MIPEP: variants seen among roughly 807,000 people sequenced by gnomAD.
MIPEP encodes mitochondrial intermediate peptidase.
A neutral mutation model predicts 90.3 loss-of-function variants in MIPEP; 79 were observed. The observed-to-expected ratio is 0.87, with a 90% CI of 0.73 to 1.05. MIPEP has a LOEUF of 1.05. MIPEP is among the 50% of genes least tolerant of loss of function. MIPEP has a pLI of 0.00. For missense variants in MIPEP, 940 were observed against 905.6 expected, an observed-to-expected ratio of 1.04 and a Z score of -0.49; for synonymous variants, 334 against 315.8, an observed-to-expected ratio of 1.06 and a Z score of -0.61.
At chr13:23,824,138 T>C (rs1953340445) in intron 14 of MIPEP, among the ~76,000 whole-genome samples, 1 of 152,230 alleles carries the variant, frequency 6.6e-6, no homozygotes, top group South Asian at 2.1e-4. Flanking sequence ...GTAAACATAG[T>C]TATCACCTGA....
At chr13:23,787,306 G>A (rs78577180) in intron 16 of MIPEP, among the ~76,000 whole-genome samples, 36 of 152,296 alleles carry the variant, frequency 2.4e-4, no homozygotes, top group Middle Eastern at 3.4e-3. Context: ...TCCAGTGTCT[G>A]ATGACGGCCT....
chr13:23,874,021 G>C (rs995496235), intron 5 of MIPEP, among the ~76,000 whole-genome samples: 15 of 152,098 alleles, frequency 9.9e-5, no homozygotes, highest in Non-Finnish European at 2.1e-4. Flanking sequence ...TATTTCCAAG[G>C]CCCTGCCTTC....
chr13:23,867,798 C>A (rs1234674688), intron 7 of MIPEP, among the ~76,000 whole-genome samples: 1 of 152,062 alleles, frequency 6.6e-6, no homozygotes, highest in East Asian at 1.9e-4. Context: ...TTCAGTTCTG[C>A]CACATTTTAG....
chr13:23,813,518 G>A (rs868522393), intron 14 of MIPEP, among the ~76,000 whole-genome samples: 1 of 152,048 alleles, frequency 6.6e-6, no homozygotes, highest in Non-Finnish European at 1.5e-5. Flanking sequence ...GTTCAGTACC[G>A]ACACAACCAT....
intron 16 of MIPEP, among the ~76,000 whole-genome samples, chr13:23,805,382 C>G (rs1246134849): frequency 3.3e-5 from 5 of 152,086 alleles, no homozygotes; most frequent in Non-Finnish European, 7.4e-5. Context: ...AAATGAGCCC[C>G]AAATACAAGG....
At chr13:23,885,158 G>A (rs1362360889) in intron 2 of MIPEP, among the ~76,000 whole-genome samples, 1 of 152,196 alleles carries the variant, frequency 6.6e-6, no homozygotes, top group Non-Finnish European at 1.5e-5. Context: ...CAACAACATG[G>A]ATGGTCATTA....
chr13:23,820,205 T>C (rs577251855), intron 14 of MIPEP, among the ~76,000 whole-genome samples: 82 of 152,350 alleles, frequency 5.4e-4, no homozygotes, highest in Non-Finnish European at 4.6e-4. Context: ...CCCTTGATGT[T>C]GTCCAACTCT....
At chr13:23,832,167 T>C (rs564853836) in intron 14 of MIPEP, among the ~76,000 whole-genome samples, 2 of 152,202 alleles carry the variant, frequency 1.3e-5, no homozygotes, top group African/African-American at 4.8e-5. Flanking sequence ...GATTAAGAGA[T>C]TATCATGGGA....
intron 14 of MIPEP, among the ~76,000 whole-genome samples, chr13:23,822,047 T>G (rs1247497008): frequency 6.6e-6 from 1 of 152,196 alleles, no homozygotes; most frequent in African/African-American, 2.4e-5. Context: ...TTCACAGTGT[T>G]GGAAAAGCAA....
chr13:23,817,843 A>T (rs1449470621), intron 14 of MIPEP, among the ~76,000 whole-genome samples: 2 of 152,188 alleles, frequency 1.3e-5, no homozygotes, highest in African/African-American at 4.8e-5. Flanking sequence ...GGATCAGTAA[A>T]CATTCAGTGT....
intron 14 of MIPEP, among the ~76,000 whole-genome samples, chr13:23,814,396 G>A (rs943971098): frequency 6.6e-6 from 1 of 152,044 alleles, no homozygotes; most frequent in Admixed American, 6.5e-5. Context: ...AGAGTAGCTG[G>A]GACTACAGGC....
In MIPEP at chr13:23,812,532, C is replaced by A. The variant is rs144422465; in HGVS notation, c.1654-2608G>T. Among the ~76,000 whole-genome samples, 14 of 152,050 alleles carry A rather than the reference C, an allele frequency of 9.2e-5. No individual in the cohort carries two copies. In the East Asian group the frequency reaches 2.7e-3, roughly 29 times the overall value. ...ACTGACTGAACAGACCCCCTGTTGG[C>A]CAAAGGGACCCCAGAGAAACTCTGG... On this transcript the variant is annotated intron_variant, in intron 14 of 18. Transcript: ENST00000382172.
chr13:23,812,112 G>T (rs983706156), intron 14 of MIPEP, among the ~76,000 whole-genome samples: 4 of 152,100 alleles, frequency 2.6e-5, no homozygotes, highest in African/African-American at 9.7e-5. Context: ...CAAACAGTGG[G>T]CAACAGCAGG....
chr13:23,773,588 A>G (rs77792455), intron 16 of MIPEP, among the ~76,000 whole-genome samples: 29,861 of 152,090 alleles, frequency 0.2, 3,536 homozygotes, highest in Non-Finnish European at 0.28. Flanking sequence ...CCAGCAACGT[A>G]TGAGGGTTCC....
At chr13:23,870,320 T>C (rs1870736620) in intron 5 of MIPEP, 125 bp from the exon 6 acceptor site, 3 of 399,344 alleles carry the variant, frequency 7.5e-6, no homozygotes, top group Non-Finnish European at 1.2e-5. Flanking sequence ...AATAAAATAT[T>C]AGTTTAGTAA....
intron 10 of MIPEP, among the ~76,000 whole-genome samples, chr13:23,848,130 T>G (rs1055350905): frequency 2.0e-5 from 3 of 152,218 alleles, no homozygotes; most frequent in African/African-American, 7.2e-5. Flanking sequence ...TTCAGTTTCC[T>G]CACCAGTAAA....
At chr13:23,763,820 C>T (rs558827780) in intron 16 of MIPEP, among the ~76,000 whole-genome samples, 3 of 152,326 alleles carry the variant, frequency 2.0e-5, no homozygotes, top group East Asian at 3.9e-4. Context: ...GACTACACCT[C>T]AAGACATGCT....
chr13:23,835,594 A>G (rs142131488), intron 14 of MIPEP, among the ~76,000 whole-genome samples: 2 of 152,308 alleles, frequency 1.3e-5, no homozygotes, highest in African/African-American at 4.8e-5. Context: ...ATACGGTTCT[A>G]GTATAATCAG....
At chr13:23,793,335 T>A (rs1295670700) in intron 16 of MIPEP, among the ~76,000 whole-genome samples, 1 of 152,180 alleles carries the variant, frequency 6.6e-6, no homozygotes, top group African/African-American at 2.4e-5. Context: ...CAAAAGAGGA[T>A]TTCTGTATGA....
Sources: gnomAD v4.1 joint callset for allele counts (sites outside exome capture counted in the v4.1 genomes callset) on GRCh38, gnomAD v4.1.1 for gene constraint, MANE v1.5 for transcripts, NCBI Gene and HGNC (gene_info 2026-07-23, HGNC 2026-07-21) for gene names.